DNAJA2: variants seen among roughly 807,000 people sequenced by gnomAD.
DNAJA2 encodes dnaJ homolog subfamily A member 2.
Under a neutral mutation model 49.3 loss-of-function variants are expected in DNAJA2, and 6 were observed. That is an observed-to-expected ratio of 0.12 (90% CI 0.07 to 0.24). The LOEUF (loss-of-function observed/expected upper bound fraction) is 0.24. Among genes scored for constraint, DNAJA2 ranks in the 10% least tolerant of loss-of-function variants. The probability of loss-of-function intolerance (pLI) is 1.00; values close to 1 mark genes in which losing one functional copy is unlikely to be tolerated. For synonymous variants in DNAJA2, 160 were observed against 172.7 expected, an observed-to-expected ratio of 0.93 and a Z score of 0.58; for missense variants, 347 against 516.8, an observed-to-expected ratio of 0.67 and a Z score of 3.19.
In DNAJA2 at chr16:46,971,577, A is replaced by G; in HGVS notation, c.139-5T>C. ...TGCAAAACTTATTTCTTTAAACTAT[A>G]AAGAAAAGGTAAAAATAAAAATAAT... is the stretch of plus-strand genomic sequence containing the variant. On this transcript the variant is annotated splice_polypyrimidine_tract_variant and splice_region_variant and intron_variant, in intron 2 of 8. Coordinates refer to ENST00000317089, the MANE Select transcript of DNAJA2 (RefSeq NM_005880.4). 1 of 1,562,576 alleles carries G rather than the reference A, an allele frequency of 6.4e-7. No homozygotes were observed. The highest frequency in any genetic ancestry group is 2.3e-5 in the East Asian group (1 of 43,978).
chr16:46,969,756 T>C (rs982366298), intron 3 of DNAJA2, among the ~76,000 whole-genome samples: 2 of 152,216 alleles, frequency 1.3e-5, no homozygotes, highest in Non-Finnish European at 2.9e-5. Flanking sequence ...TAGAATGCAG[T>C]ATTATAAACA....
intron 1 of DNAJA2, among the ~76,000 whole-genome samples, 175 bp downstream of exon 1, chr16:46,973,320 G>A (rs1361043187): frequency 6.6e-6 from 1 of 150,930 alleles, no homozygotes; most frequent in Non-Finnish European, 1.5e-5. Context: ...AGCCGAGGCC[G>A]GAGTGCGCGG....
Position 46,973,560 on chromosome 16 carries a change from C to G in DNAJA2, c.13G>C (p.Ala5Pro). ...AGGATGTCGTACAGCTTCGTGTCAG[C>G]CACGTTAGCCATGGCGGCCGGCCGG... MANV[A>P]DTKLYDILGV... The change falls in exon 1 of 9, where the codon GCT becomes CCT. Residue 5 changes from alanine to proline, a missense_variant. Transcript: ENST00000317089. The G allele has an allele frequency of 6.3e-7, 1 of 1,597,070 alleles. No individual in the cohort carries two copies. Among genetic ancestry groups the G allele is most frequent in the South Asian group, 1.1e-5 (1 of 89,496 alleles).
At position 46,957,354 on chromosome 16, in the gene DNAJA2, C is replaced by T. The variant is rs1961829797; in HGVS notation, c.1048-134G>A. The T allele has an allele frequency of 4.7e-6, 4 of 843,512 alleles. No homozygotes were observed. In the South Asian group the frequency reaches 5.2e-5, roughly 11 times the overall value. 52.3% of individuals were successfully genotyped at this position (843,512 alleles called of 1,614,324 possible). Reference sequence around the variant, plus strand: ...GGTGGTTCATGCTTATAATCCCACCCAGCACTTTGGAAGGCTGAGGCGGGC... The same window carrying T: ...GGTGGTTCATGCTTATAATCCCACCTAGCACTTTGGAAGGCTGAGGCGGGC... On this transcript the variant is annotated intron_variant, in intron 8 of 8. Coordinates refer to ENST00000317089, the MANE Select transcript of DNAJA2 (RefSeq NM_005880.4).
chr16:46,972,103 T>C, intron 1 of DNAJA2, 148 bp from the exon 2 acceptor site: 1 of 635,080 alleles, frequency 1.6e-6, no homozygotes, highest in Non-Finnish European at 2.8e-6. Context: ...TCTTCGGCAC[T>C]TTCTCGCGAT....
In DNAJA2 at chr16:46,957,156, ACCT is replaced by A; in HGVS notation, c.1109_1111del (p.Glu370del). 1 of 1,614,100 alleles carries A rather than the reference ACCT, an allele frequency of 6.2e-7. No individual in the cohort carries two copies. Among genetic ancestry groups the A allele is most frequent in the Non-Finnish European group, 8.5e-7 (1 of 1,180,018 alleles). On this transcript the variant is annotated inframe_deletion, in exon 9 of 9. Transcript: ENST00000317089. ...AGTGCTATCAAATTCCTGAAGCTCT[ACCT>A]CCTCTGTTTCTCCAATTATGTTAGG...
chr16:46,965,399 T>C (rs1256966862), intron 5 of DNAJA2, among the ~76,000 whole-genome samples: 1 of 152,196 alleles, frequency 6.6e-6, no homozygotes, highest in African/African-American at 2.4e-5. Context: ...TATTATAGTG[T>C]GAAAAAACTG....
chr16:46,963,587 G>C lies in DNAJA2; in HGVS notation c.774+1024C>G, dbSNP rs1028698190. On this transcript the variant is annotated intron_variant, in intron 6 of 8. Coordinates refer to ENST00000317089, the MANE Select transcript of DNAJA2 (RefSeq NM_005880.4). ...GCATGATGGTGCACCAGTTGTCCCAGCTACTTGGGAGGCTGAGATGGGAGG... is the reference window on the plus strand; with the variant it reads ...GCATGATGGTGCACCAGTTGTCCCACCTACTTGGGAGGCTGAGATGGGAGG... Among the ~76,000 whole-genome samples the C allele has an allele frequency of 2.6e-5, 4 of 151,554 alleles. No homozygotes were observed. The South Asian group carries it at 8.3e-4, about 31-fold the overall frequency.
Position 46,959,320 on chromosome 16 carries a change from G to A in DNAJA2, c.874C>T (p.Arg292Cys). ...FQFTFKHLDG[R>C]QIVVKYPPGK... ...GGGGGGTATTTCACCACAATCTGAC[G>A]TCCATCAAGGTGCTTAAATGTGAAC... Residue 292 changes from arginine (R) to cysteine (C), a missense_variant, in exon 7 of 9, where the codon CGT becomes TGT. Physicochemically the swap from Arg to Cys is radical, Grantham distance 180. Coordinates refer to ENST00000317089, the MANE Select transcript of DNAJA2 (RefSeq NM_005880.4). The A allele has an allele frequency of 6.2e-7, 1 of 1,613,884 alleles. No homozygotes were observed. The highest frequency in any genetic ancestry group is 8.5e-7 in the Non-Finnish European group (1 of 1,179,966).
At chr16:46,963,915 A>G (rs1457341564) in intron 6 of DNAJA2, among the ~76,000 whole-genome samples, 2 of 152,174 alleles carry the variant, frequency 1.3e-5, no homozygotes, top group Non-Finnish European at 2.9e-5. Context: ...TTATTTTCAT[A>G]AACAAAGAAA....
In DNAJA2 at chr16:46,955,653, G is replaced by A. The variant is rs1026508455; in HGVS notation, c.*1376C>T. The A allele has an allele frequency of 6.6e-6, 1 of 152,094 alleles. No homozygotes were observed. The highest frequency in any genetic ancestry group is 1.5e-5 in the Non-Finnish European group (1 of 68,012). The allele number at this position is 152,094 out of a possible 1,614,324, so 9.4% of individuals were successfully genotyped here. ...AATACTAGATTTAGGCTCAGGGATG[G>A]CATTTAATACATTTAAAATTTTTAG... On this transcript the variant is annotated 3_prime_UTR_variant, in exon 9 of 9. Coordinates refer to ENST00000317089, the MANE Select transcript of DNAJA2 (RefSeq NM_005880.4).
At position 46,957,170 on chromosome 16, in the gene DNAJA2, T is replaced by C. The variant is rs781374497; in HGVS notation, c.1098A>G (p.Gly366=). 10 of 1,613,870 alleles carry C rather than the reference T, an allele frequency of 6.2e-6. No individual in the cohort carries two copies. In the Admixed American group the frequency reaches 1.5e-4, roughly 24 times the overall value. Residue 366 remains glycine, a synonymous_variant, in exon 9 of 9, where the codon GGA becomes GGG. Coordinates refer to ENST00000317089, the MANE Select transcript of DNAJA2 (RefSeq NM_005880.4). ...PSRPEVPNII[G]ETEEVELQEF... is the part of the protein sequence containing the mutation. ...CCTGAAGCTCTACCTCCTCTGTTTC[T>C]CCAATTATGTTAGGAACTTCCGGTC...
intron 6 of DNAJA2, chr16:46,959,627 T>G: frequency 2.0e-6 from 1 of 507,456 alleles, no homozygotes; most frequent in South Asian, 3.0e-5. Flanking sequence ...GAAGGTGTAC[T>G]GGAACTGGTA....
chr16:46,959,200 A>G, intron 7 of DNAJA2, 70 bp from the exon 8 acceptor site: 1 of 1,580,768 alleles, frequency 6.3e-7, no homozygotes, highest in Non-Finnish European at 8.6e-7. Flanking sequence ...AGAGTTATGC[A>G]GTATAAAAAA....
intron 6 of DNAJA2, among the ~76,000 whole-genome samples, chr16:46,963,112 G>GT (rs1346983937): frequency 6.6e-6 from 1 of 152,056 alleles, no homozygotes; most frequent in Non-Finnish European, 1.5e-5. Context: ...ATTTCTCCGT[G>GT]TTCATTGGGC....
intron 6 of DNAJA2, among the ~76,000 whole-genome samples, chr16:46,961,643 T>C (rs1466587023): frequency 6.7e-6 from 1 of 149,250 alleles, no homozygotes; most frequent in African/African-American, 2.5e-5. Context: ...TACAGGAGAG[T>C]TCAACTGAAA....
intron 5 of DNAJA2, among the ~76,000 whole-genome samples, chr16:46,966,938 T>G (rs748103357): frequency 1.3e-5 from 2 of 152,194 alleles, no homozygotes; most frequent in Non-Finnish European, 2.9e-5. Context: ...AAGGTTATAT[T>G]TGATAAAGAA....
At chr16:46,971,837 G>C in intron 2 of DNAJA2, 59 bp downstream of exon 2, 1 of 1,401,160 alleles carries the variant, frequency 7.1e-7, no homozygotes, top group Non-Finnish European at 1.0e-6. Flanking sequence ...TCTTTTTCAA[G>C]GAGGGCAATT....
In DNAJA2 at chr16:46,960,664, AG is replaced by A. The variant is rs536383100; in HGVS notation, c.775-1246del. 4.9e-3 allele frequency among the ~76,000 whole-genome samples: 744 copies of A among 152,290 alleles called. 6 individuals carry two copies. The highest frequency in any genetic ancestry group is 8.9e-3 in the Non-Finnish European group (604 of 68,022). On this transcript the variant is annotated intron_variant, in intron 6 of 8. Transcript: ENST00000317089. ...TGTGGTGGCACGCGCCTGTAGTCCC[AG>A]CTACTTAGGAGGCTGCGGCAGGAGA...
Sources: allele counts gnomAD v4.1 joint callset (sites outside exome capture counted in the v4.1 genomes callset), GRCh38; gene constraint gnomAD v4.1.1; transcripts MANE v1.5; gene names NCBI Gene and HGNC (gene_info 2026-07-23, HGNC 2026-07-21).